The following IMMP2L variants were observed in gnomAD, a reference collection of about 807,000 sequenced individuals.
IMMP2L encodes the protein inner mitochondrial membrane peptidase subunit 2, also known as mitochondrial inner membrane protease subunit 2.
In IMMP2L, 18 loss-of-function variants were observed where a neutral mutation model predicts 19.3. The ratio of observed to expected loss-of-function variants is 0.93; its 90% CI spans 0.64 to 1.38. The LOEUF (loss-of-function observed/expected upper bound fraction) is 1.38, where lower values mean the gene tolerates loss of function less well. IMMP2L is among the 40% of genes most tolerant of loss of function. IMMP2L has a pLI of 0.00. For synonymous variants in IMMP2L, 76 were observed against 73.0 expected (o/e 1.04, Z -0.21); for missense variants, 233 against 218.2 (o/e 1.07, Z -0.43).
intron 3 of IMMP2L, among the ~76,000 whole-genome samples, chr7:111,111,942 GTT>G (rs748410980): frequency 0.016 from 1,325 of 83,762 alleles, 4 homozygotes; most frequent in African/African-American, 0.062. Context: ...TATATAGTTT[GTT>G]TTTTTTTTTT....
chr7:111,273,597 C>T (rs182414824), intron 3 of IMMP2L, among the ~76,000 whole-genome samples: 3 of 152,098 alleles, frequency 2.0e-5, no homozygotes, highest in East Asian at 1.9e-4. Flanking sequence ...GGGAGGTGCA[C>T]GTGCAATATT....
intron 5 of IMMP2L, among the ~76,000 whole-genome samples, chr7:110,830,383 G>T (rs1803865092): frequency 6.6e-6 from 1 of 151,812 alleles, no homozygotes; most frequent in South Asian, 2.1e-4. Context: ...TTCACATGGG[G>T]GTTTGTTTCT....
chr7:111,557,865 T>A (rs988124319), intron 1 of IMMP2L, among the ~76,000 whole-genome samples: 3 of 151,686 alleles, frequency 2.0e-5, no homozygotes, highest in African/African-American at 7.3e-5. Flanking sequence ...ATGAATAAGG[T>A]ACGAGTCAAT....
At chr7:110,761,060 C>A (rs1026530086) in intron 5 of IMMP2L, among the ~76,000 whole-genome samples, 14 of 152,124 alleles carry the variant, frequency 9.2e-5, no homozygotes, top group Non-Finnish European at 7.4e-5. Flanking sequence ...TGTATCAGAG[C>A]AGTTCTTCCT....
chr7:111,544,752 G>A (rs1252147115), intron 1 of IMMP2L, among the ~76,000 whole-genome samples: 1 of 151,344 alleles, frequency 6.6e-6, no homozygotes, highest in African/African-American at 2.4e-5. Context: ...AGAAGGGGAG[G>A]TTTACATTCA....
At chr7:111,221,296 A>G (rs892549055) in intron 3 of IMMP2L, among the ~76,000 whole-genome samples, 2 of 152,104 alleles carry the variant, frequency 1.3e-5, no homozygotes, top group African/African-American at 2.4e-5. Flanking sequence ...ATAATAGTCA[A>G]TATCACAAGA....
chr7:111,336,663 ATT>A (rs1826443756), intron 3 of IMMP2L, among the ~76,000 whole-genome samples: 1 of 151,932 alleles, frequency 6.6e-6, no homozygotes, highest in Non-Finnish European at 1.5e-5. Flanking sequence ...CATTCTGCCT[ATT>A]TTGTTATATA....
At chr7:111,211,433 A>G (rs1242928784) in intron 3 of IMMP2L, among the ~76,000 whole-genome samples, 2 of 152,192 alleles carry the variant, frequency 1.3e-5, no homozygotes, top group African/African-American at 2.4e-5. Context: ...CCGCAATTCA[A>G]TGGGAGGAGT....
intron 3 of IMMP2L, among the ~76,000 whole-genome samples, chr7:111,063,008 G>A (rs1313012326): frequency 6.6e-6 from 1 of 152,240 alleles, no homozygotes; most frequent in Non-Finnish European, 1.5e-5. Flanking sequence ...ACTTCTCACA[G>A]CTCCACTAGG....
chr7:110,865,644 C>T (rs1012647719), intron 5 of IMMP2L, among the ~76,000 whole-genome samples: 5 of 151,566 alleles, frequency 3.3e-5, no homozygotes, highest in African/African-American at 9.7e-5. Flanking sequence ...CAAAAGACAC[C>T]CTCCTTCAAA....
At position 111,217,518 on chromosome 7, in the gene IMMP2L, G is replaced by A. The variant is rs529684357; in HGVS notation, c.240-253953C>T. ...GAAGCATTTAGCCTACAGCAGAGCA[G>A]AGTAGCTACATGAAGAAACTAGGAT... On this transcript the variant is annotated intron_variant, in intron 3 of 5. Coordinates refer to ENST00000405709, the MANE Select transcript of IMMP2L (RefSeq NM_032549.4). Among the ~76,000 whole-genome samples, 3 of 152,234 alleles carry A rather than the reference G, an allele frequency of 2.0e-5. No individual in the cohort carries two copies. In the East Asian group the frequency reaches 5.8e-4, roughly 29 times the overall value.
At chr7:111,350,226 A>G (rs1467818197) in intron 3 of IMMP2L, among the ~76,000 whole-genome samples, 1 of 151,950 alleles carries the variant, frequency 6.6e-6, no homozygotes, top group Non-Finnish European at 1.5e-5. Flanking sequence ...TCAGCCTCCC[A>G]AAGTGCTGGG....
intron 3 of IMMP2L, among the ~76,000 whole-genome samples, chr7:110,989,408 G>T (rs2129559325): frequency 6.6e-6 from 1 of 151,428 alleles, no homozygotes; most frequent in Non-Finnish European, 1.5e-5. Context: ...TTAGCTGGGT[G>T]CAGTGGCATA....
intron 3 of IMMP2L, among the ~76,000 whole-genome samples, chr7:111,393,840 C>G (rs900318261): frequency 1.3e-5 from 2 of 152,156 alleles, no homozygotes; most frequent in African/African-American, 2.4e-5. Flanking sequence ...TTTTGATTCT[C>G]TGCTCACATA....
chr7:111,160,837 A>G lies in IMMP2L; in HGVS notation c.240-197272T>C, dbSNP rs945783835. 4.6e-5 allele frequency among the ~76,000 whole-genome samples: 7 copies of G among 151,244 alleles called. No individual in the cohort carries two copies. The East Asian group carries it at 9.7e-4, about 21-fold the overall frequency. ...CAAAAAGTTAATTCTTTGAAAAAAC[A>G]AAGAATTCAGATAAACTTCTGACGA... On this transcript the variant is annotated intron_variant, in intron 3 of 5. Transcript: ENST00000405709.
At chr7:111,547,722 ATTT>A (rs58711480) in intron 1 of IMMP2L, among the ~76,000 whole-genome samples, 19 of 138,096 alleles carry the variant, frequency 1.4e-4, no homozygotes, top group Admixed American at 3.6e-4. Context: ...CACCAGTCTA[ATTT>A]TTTTTTTTTT....
chr7:111,208,126 G>A (rs960829771), intron 3 of IMMP2L, among the ~76,000 whole-genome samples: 3 of 151,854 alleles, frequency 2.0e-5, no homozygotes, highest in South Asian at 2.1e-4. Flanking sequence ...CTACTATACC[G>A]TTTATATATT....
At chr7:110,776,068 GAAT>G (rs1799367089) in intron 5 of IMMP2L, among the ~76,000 whole-genome samples, 1 of 151,858 alleles carries the variant, frequency 6.6e-6, no homozygotes, top group Non-Finnish European at 1.5e-5. Context: ...TCCGTAATTT[GAAT>G]AAAATAATTC....
intron 3 of IMMP2L, among the ~76,000 whole-genome samples, chr7:111,279,011 C>T (rs1303210581): frequency 6.6e-6 from 1 of 152,038 alleles, no homozygotes; most frequent in Non-Finnish European, 1.5e-5. Flanking sequence ...CCCAAATAAT[C>T]CATAAAAATC....
Sources: gnomAD v4.1 joint callset for allele counts (sites outside exome capture counted in the v4.1 genomes callset) on GRCh38, gnomAD v4.1.1 for gene constraint, MANE v1.5 for transcripts, NCBI Gene and HGNC (gene_info 2026-07-23, HGNC 2026-07-21) for gene names.